TIA1: variants seen among roughly 807,000 people sequenced by gnomAD.
TIA1 encodes cytotoxic granule associated RNA binding protein TIA1.
Under a neutral mutation model 65.9 loss-of-function variants are expected in TIA1, and 23 were observed. That is an observed-to-expected ratio of 0.35 (90% CI 0.25 to 0.49). The LOEUF is 0.49. Among genes scored for constraint, TIA1 ranks in the 20% least tolerant of loss-of-function variants. The probability of loss-of-function intolerance (pLI) is 0.98; values close to 1 mark genes in which losing one functional copy is unlikely to be tolerated. For missense variants in TIA1, 371 were observed against 477.9 expected (o/e 0.78, Z 2.09); for synonymous variants, 147 against 149.4 (o/e 0.98, Z 0.12).
intron 1 of TIA1, among the ~76,000 whole-genome samples, chr2:70,237,445 T>C (rs544261829): frequency 1.4e-4 from 21 of 152,116 alleles, no homozygotes; most frequent in South Asian, 8.3e-4. Flanking sequence ...GGGAAGCTAG[T>C]ATGTGCTTGT....
intron 12 of TIA1, among the ~76,000 whole-genome samples, chr2:70,213,115 C>T (rs1222305903): frequency 6.6e-6 from 1 of 152,084 alleles, no homozygotes; most frequent in African/African-American, 2.4e-5. Context: ...CAACATTCAT[C>T]TCCTTTGAAT....
Position 70,230,856 on chromosome 2 carries a change from T to C in TIA1, c.124-2A>G, listed in dbSNP as rs769696534. On this transcript the variant is annotated splice_acceptor_variant, in intron 2 of 12. Transcript: ENST00000433529. LOFTEE classifies it high-confidence loss of function. ...ACAATAGGGATCATTTCCAGCTGTC[T>C]GTGGGAGAAGAAACACAAAAGCCAA... is the stretch of plus-strand genomic sequence containing the variant. 1 of 1,600,510 alleles carries C rather than the reference T, an allele frequency of 6.2e-7. No homozygotes were observed.
chr2:70,242,761 T>C (rs1692472008), intron 1 of TIA1, among the ~76,000 whole-genome samples: 1 of 152,088 alleles, frequency 6.6e-6, no homozygotes, highest in African/African-American at 2.4e-5. Flanking sequence ...GAGCTCTGCC[T>C]CCTGTAAGAT....
intron 1 of TIA1, among the ~76,000 whole-genome samples, chr2:70,240,840 C>A (rs557356365): frequency 6.6e-6 from 1 of 152,214 alleles, no homozygotes; most frequent in African/African-American, 2.4e-5. Flanking sequence ...CCACAGTACT[C>A]CAGCCAGGGT....
chr2:70,225,687 A>C (rs965774177), intron 6 of TIA1, among the ~76,000 whole-genome samples: 2 of 152,224 alleles, frequency 1.3e-5, no homozygotes, highest in African/African-American at 4.8e-5. Flanking sequence ...CAAAATGACA[A>C]AGACGTGGTG....
chr2:70,220,112 A>G (rs1558788318), intron 7 of TIA1, among the ~76,000 whole-genome samples: 2 of 152,262 alleles, frequency 1.3e-5, no homozygotes, highest in Middle Eastern at 3.4e-3. Context: ...TCAAGTCCTC[A>G]TAAGAAGTAA....
rs778000483 is a variant in TIA1 at position 70,230,822 on chromosome 2, C to T, written c.156G>A (p.Glu52=). The T allele has an allele frequency of 3.7e-6, 6 of 1,612,692 alleles. No individual in the cohort carries two copies. In the East Asian group the frequency reaches 1.3e-4, roughly 36 times the overall value. ...TAGNDPYCFV[E]FHEHRHAAAA... ...CAGCTGCATGACGATGCTCATGAAA[C>T]TCCACAAAACAATAGGGATCATTTC... is the stretch of plus-strand genomic sequence containing the variant. Residue 52 remains glutamate, a synonymous_variant, in exon 3 of 13, where the codon GAG becomes GAA. Transcript: ENST00000433529.
chr2:70,248,652 A>G (rs914381884), upstream of TIA1: 15 of 627,248 alleles, frequency 2.4e-5, no homozygotes, highest in African/African-American at 2.6e-4. Flanking sequence ...AGGAGCAGCC[A>G]GCAAAGTTAC....
chr2:70,238,962 C>G (rs1195050011), intron 1 of TIA1, among the ~76,000 whole-genome samples: 1 of 152,116 alleles, frequency 6.6e-6, no homozygotes, highest in Non-Finnish European at 1.5e-5. Context: ...CCAGCTACTT[C>G]GGACGCTGAG....
chr2:70,241,691 G>C (rs1691817397), intron 1 of TIA1, among the ~76,000 whole-genome samples: 1 of 152,182 alleles, frequency 6.6e-6, no homozygotes, highest in Admixed American at 6.5e-5. Context: ...TGTAAACCCA[G>C]TGCTTTGGGA....
intron 5 of TIA1, 142 bp downstream of exon 5, chr2:70,228,917 G>T: frequency 6.8e-7 from 1 of 1,460,728 alleles, no homozygotes; most frequent in East Asian, 2.6e-5. Flanking sequence ...CACTGAGAAG[G>T]GAGAAAAGTA....
At chr2:70,242,919 C>G (rs1027618291) in intron 1 of TIA1, among the ~76,000 whole-genome samples, 1 of 152,122 alleles carries the variant, frequency 6.6e-6, no homozygotes, top group Non-Finnish European at 1.5e-5. Context: ...AAACTGGTCT[C>G]GGTGCCAAAA....
rs1477706873 is a variant in TIA1, at chr2:70,210,655, A to G, written c.*2064T>C. On this transcript the variant is annotated 3_prime_UTR_variant, in exon 13 of 13. Coordinates refer to ENST00000433529, the MANE Select transcript of TIA1 (RefSeq NM_022173.4). ...AATAATTTACCCTGCAGTCCATGAG[A>G]TGCACAGGAAATAATTTTTTTTAAT... 1 of 152,214 alleles carries G rather than the reference A, an allele frequency of 6.6e-6. No individual in the cohort carries two copies. The highest frequency in any genetic ancestry group is 1.5e-5 in the Non-Finnish European group (1 of 68,030). 9.4% of individuals were successfully genotyped at this position (152,214 alleles called of 1,614,324 possible).
intron 10 of TIA1, 172 bp downstream of exon 10, chr2:70,216,036 G>T: frequency 1.6e-6 from 1 of 617,216 alleles, no homozygotes; most frequent in Middle Eastern, 4.4e-4. Context: ...ACAGGCGTGA[G>T]CCACCGCACC....
chr2:70,242,494 CAAAA>C (rs11380260), intron 1 of TIA1, among the ~76,000 whole-genome samples: 10 of 33,468 alleles, frequency 3.0e-4, no homozygotes, highest in Admixed American at 9.4e-4. Context: ...GACTCAGTCT[CAAAA>C]AAAAAAAAAA....
At chr2:70,236,707 A>G (rs1440331935) in intron 1 of TIA1, among the ~76,000 whole-genome samples, 1 of 151,938 alleles carries the variant, frequency 6.6e-6, no homozygotes, top group Admixed American at 6.6e-5. Context: ...GCTCACTACA[A>G]TCTCCACCTC....
At chr2:70,219,084 T>C (rs1680035407) in intron 7 of TIA1, among the ~76,000 whole-genome samples, 1 of 152,174 alleles carries the variant, frequency 6.6e-6, no homozygotes, top group African/African-American at 2.4e-5. Context: ...GTGAGACATA[T>C]AAATGAAGAC....
Position 70,224,584 on chromosome 2 carries a change from T to G in TIA1, c.444A>C (p.Gly148=), listed in dbSNP as rs1319238713. ...TGTTGAAAAAGGAGACAAAGCCATA[T>G]CCCTTAGACTTTCCTGTTGCCATGT... is the stretch of plus-strand genomic sequence containing the variant. ...VKDMATGKSK[G]YGFVSFFNKW... The change falls in exon 7 of 13, where the codon GGA becomes GGC. Residue 148 remains glycine, a synonymous_variant. Transcript: ENST00000433529. 6.2e-7 allele frequency: 1 copy of G among 1,614,040 alleles called. No homozygotes were observed. Among genetic ancestry groups the G allele is most frequent in the South Asian group, 1.1e-5 (1 of 91,080 alleles).
chr2:70,230,750 G>A lies in TIA1; in HGVS notation c.222+6C>T, dbSNP rs867941703. The A allele has an allele frequency of 6.3e-7, 1 of 1,584,966 alleles. No individual in the cohort carries two copies. The highest frequency in any genetic ancestry group is 2.3e-5 in the East Asian group (1 of 43,858). On this transcript the variant is annotated splice_donor_region_variant and intron_variant, in intron 3 of 12. Coordinates refer to ENST00000433529, the MANE Select transcript of TIA1 (RefSeq NM_022173.4). The stretch of plus-strand genomic sequence containing the variant: ...CAAGTCACCTTCTTTAATTACGACA[G>A]CTTACCTTACCCATTATCTTCCGTC...
Sources: allele counts gnomAD v4.1 joint callset (sites outside exome capture counted in the v4.1 genomes callset), GRCh38; gene constraint gnomAD v4.1.1; transcripts MANE v1.5; gene names NCBI Gene and HGNC (gene_info 2026-07-23, HGNC 2026-07-21).